The following DYNC1H1 variants were observed in gnomAD, a reference collection of about 807,000 sequenced individuals.
DYNC1H1 encodes the protein dynein cytoplasmic 1 heavy chain 1.
In DYNC1H1, 51 loss-of-function variants were observed where a neutral mutation model predicts 527.1. That is an observed-to-expected ratio of 0.10 (90% CI 0.08 to 0.12). The LOEUF (loss-of-function observed/expected upper bound fraction) is 0.12, where lower values mean the gene tolerates loss of function less well. DYNC1H1 is among the 10% of genes least tolerant of loss of function. DYNC1H1 has a pLI of 1.00. For synonymous variants in DYNC1H1, 2,189 were observed against 2,278.8 expected, an observed-to-expected ratio of 0.96 and a Z score of 1.12; for missense variants, 2,771 against 5,971.8, an observed-to-expected ratio of 0.46 and a Z score of 17.66.
chr14:102,006,889 C>G (rs1595612361), intron 27 of DYNC1H1, 119 bp from the exon 28 acceptor site: 1 of 1,095,414 alleles, frequency 9.1e-7, no homozygotes, highest in East Asian at 2.6e-5. Flanking sequence ...CATGAGCCAC[C>G]CTACCTGGCC....
intron 7 of DYNC1H1, among the ~76,000 whole-genome samples, chr14:101,984,391 ATGCGTATATATGTGTGTG>A (rs1340303285): frequency 7.5e-6 from 1 of 132,962 alleles, no homozygotes; most frequent in African/African-American, 3.1e-5. Flanking sequence ...GTATATATAT[ATGCGTATATATGTGTGTG>A]TGTGTGTGTG....
In DYNC1H1 at chr14:102,056,078, A is replaced by T. The variant is rs566192296; in HGVS notation, c.*5515A>T. On this transcript the variant is annotated 3_prime_UTR_variant, in exon 78 of 78. Coordinates refer to ENST00000360184, the MANE Select transcript of DYNC1H1 (RefSeq NM_001376.5). ...TACTCAGTACCTGTTTTAAGAAAAAAACGAAGTGAAATCAAAGACAGGCAG... is the reference window on the plus strand; with the variant it reads ...TACTCAGTACCTGTTTTAAGAAAAATACGAAGTGAAATCAAAGACAGGCAG... The T allele has an allele frequency of 6.6e-6, 1 of 152,374 alleles. No homozygotes were observed. The highest frequency in any genetic ancestry group is 1.9e-4 in the East Asian group (1 of 5,192). The allele number at this position is 152,374 out of a possible 1,614,324, so 9.4% of individuals were successfully genotyped here.
At position 102,033,823 on chromosome 14, in the gene DYNC1H1, C is replaced by T. The variant is rs990254879; in HGVS notation, c.10414-153C>T. The T allele has an allele frequency of 8.7e-6, 7 of 804,184 alleles. No homozygotes were observed. In the Admixed American group the frequency reaches 1.0e-4, roughly 12 times the overall value. The allele number at this position is 804,184 out of a possible 1,614,324, so 49.8% of individuals were successfully genotyped here. A position where few individuals can be genotyped will look rare whatever the true frequency, so the allele number is the denominator to read the frequency against. ...TGTGTGGTCATTAGTTATATATGAT[C>T]TGGGTCTCATCTCCTCTGGGACTGT... On this transcript the variant is annotated intron_variant, in intron 54 of 77. Transcript: ENST00000360184. The surrounding 1 kb of genome is among the most constrained non-coding windows in gnomAD (Gnocchi z 5.6).
intron 10 of DYNC1H1, among the ~76,000 whole-genome samples, chr14:101,990,124 T>A (rs1433366930): frequency 2.0e-5 from 3 of 152,176 alleles, no homozygotes; most frequent in Non-Finnish European, 2.9e-5. Flanking sequence ...CTCACCGTGA[T>A]TCTCAGAACG....
chr14:102,040,417 G>A lies in DYNC1H1; in HGVS notation c.11865+7G>A, dbSNP rs2152595723. ...AAAGGTTCAGGCAGACGAGGTGATT[G>A]TTCTCTTGAATGTTCCCAGTAGGTA... On this transcript the variant is annotated splice_region_variant and intron_variant, in intron 63 of 77. Coordinates refer to ENST00000360184, the MANE Select transcript of DYNC1H1 (RefSeq NM_001376.5). The A allele has an allele frequency of 6.2e-7, 1 of 1,614,184 alleles. No homozygotes were observed. Among genetic ancestry groups the A allele is most frequent in the Non-Finnish European group, 8.5e-7 (1 of 1,180,022 alleles).
At position 102,041,510 on chromosome 14, in the gene DYNC1H1, G is replaced by A. The variant is rs1274092317; in HGVS notation, c.11942-64G>A. On this transcript the variant is annotated intron_variant, in intron 64 of 77. Coordinates refer to ENST00000360184, the MANE Select transcript of DYNC1H1 (RefSeq NM_001376.5). This position sits in a 1 kb window ranked among gnomAD's most constrained non-coding sequence, Gnocchi z 4.5. ...GGGTACTTTGGGAAGAACAGTCCAG[G>A]CAGGGGAGGGCGTCTCTGAGTCCAT... 7 of 1,610,590 alleles carry A rather than the reference G, an allele frequency of 4.3e-6. No individual in the cohort carries two copies. The African/African-American group carries it at 9.4e-5, about 22-fold the overall frequency.
chr14:101,987,387 G>T, intron 8 of DYNC1H1, 66 bp from the exon 9 acceptor site: 2 of 1,485,128 alleles, frequency 1.3e-6, no homozygotes, highest in Non-Finnish European at 1.9e-6. Context: ...TGAGAAGAAT[G>T]TTATGTGAGA....
rs773621054 is a variant in DYNC1H1 at position 102,050,922 on chromosome 14, G to A, written c.*359G>A. The A allele has an allele frequency of 2.2e-4, 79 of 359,936 alleles. 1 individual carries two copies. The highest frequency in any genetic ancestry group is 1.5e-3 in the Admixed American group (39 of 25,638). 22.3% of individuals were successfully genotyped at this position (359,936 alleles called of 1,614,324 possible). A position where few individuals can be genotyped will look rare whatever the true frequency, so the allele number is the denominator to read the frequency against. On this transcript the variant is annotated 3_prime_UTR_variant, in exon 78 of 78. Transcript: ENST00000360184. ...TCGCTTTCATCATGAGCTCGCTCCC[G>A]AGCGGCCACAGCACTCATGAATGAA...
intron 72 of DYNC1H1, 121 bp from the exon 73 acceptor site, chr14:102,047,696 C>T (rs2048745297): frequency 9.6e-7 from 1 of 1,037,554 alleles, no homozygotes. Context: ...CCAGATTTTG[C>T]TGCAGTTCCC....
In DYNC1H1 at chr14:102,001,395, G is replaced by A. The variant is rs527450164; in HGVS notation, c.4395+41G>A. On this transcript the variant is annotated intron_variant, in intron 20 of 77. Coordinates refer to ENST00000360184, the MANE Select transcript of DYNC1H1 (RefSeq NM_001376.5). This position sits in a 1 kb window ranked among gnomAD's most constrained non-coding sequence, Gnocchi z 5.0. The stretch of plus-strand genomic sequence containing the variant: ...GAACGGCTGCTTTACGTTGTGTTTC[G>A]GGCTGTTACATAGATCTGAGCTATG... 566 of 1,601,320 alleles carry A rather than the reference G, an allele frequency of 3.5e-4. No individual in the cohort carries two copies. The highest frequency in any genetic ancestry group is 4.1e-4 in the Non-Finnish European group (481 of 1,179,218).
rs2048337694 is a variant in DYNC1H1, at chr14:102,017,555, T to C, written c.8177+51T>C. 6.3e-7 allele frequency: 1 copy of C among 1,599,674 alleles called. No homozygotes were observed. Among genetic ancestry groups the C allele is most frequent in the Non-Finnish European group, 8.6e-7 (1 of 1,168,908 alleles). On this transcript the variant is annotated intron_variant, in intron 40 of 77. Transcript: ENST00000360184. This position sits in a 1 kb window ranked among gnomAD's most constrained non-coding sequence, Gnocchi z 4.6. ...GCTTCACACACGCACAGCTCCAGGA[T>C]TGCTGTAAACACAGCGCCACAAAAA... is the stretch of plus-strand genomic sequence containing the variant.
At position 101,995,184 on chromosome 14, in the gene DYNC1H1, C is replaced by T. The variant is rs747570801; in HGVS notation, c.3448C>T (p.Arg1150Cys). ...ATACTCCCCTCTCTCTGAACAGTCC[C>T]GCCAAGAGTTGGAGCAGCACTCAGT... ...TEFHSQISKS[R>C]QELEQHSVDT... The change falls in exon 15 of 78, where the codon CGC (arginine) becomes TGC (cysteine). Residue 1150 changes from arginine (R) to cysteine (C), a missense_variant. Around this residue, in one of 32 missense-constraint regions of DYNC1H1, gnomAD observed 223 missense variants for 462.5 expected, o/e 0.48. Coordinates refer to ENST00000360184, the MANE Select transcript of DYNC1H1 (RefSeq NM_001376.5). The T allele has an allele frequency of 2.5e-6, 4 of 1,614,240 alleles. No homozygotes were observed. Among genetic ancestry groups the T allele is most frequent in the East Asian group, 2.2e-5 (1 of 44,892 alleles).
intron 29 of DYNC1H1, chr14:102,009,334 T>G: frequency 6.2e-6 from 1 of 161,024 alleles, no homozygotes; most frequent in Non-Finnish European, 1.4e-5. Flanking sequence ...ACAAAAGGAG[T>G]GTGGAGGAAA....
rs993868173 is a variant in DYNC1H1, at chr14:102,011,706, C to T, written c.6619-169C>T. ...GGTGGAGCTTGCGGTGAGCTGAGAT[C>T]GTGCCACTGCATTCCAGTCTGGGTG... On this transcript the variant is annotated intron_variant, in intron 32 of 77. Coordinates refer to ENST00000360184, the MANE Select transcript of DYNC1H1 (RefSeq NM_001376.5). This position sits in a 1 kb window ranked among gnomAD's most constrained non-coding sequence, Gnocchi z 5.3. 1.6e-5 allele frequency: 11 copies of T among 676,614 alleles called. No individual in the cohort carries two copies. The highest frequency in any genetic ancestry group is 1.1e-4 in the African/African-American group (6 of 55,830). 41.9% of individuals were successfully genotyped at this position (676,614 alleles called of 1,614,324 possible). A position where few individuals can be genotyped will look rare whatever the true frequency, so the allele number is the denominator to read the frequency against.
chr14:101,969,819 T>C (rs2047710709), intron 1 of DYNC1H1, among the ~76,000 whole-genome samples: 1 of 152,246 alleles, frequency 6.6e-6, no homozygotes, highest in South Asian at 2.1e-4. Flanking sequence ...AGTTATCACT[T>C]CTTTTTAAAA....
At position 102,015,770 on chromosome 14, in the gene DYNC1H1, T is replaced by G; in HGVS notation, c.7243-86T>G. 1 of 1,445,366 alleles carries G rather than the reference T, an allele frequency of 6.9e-7. No homozygotes were observed. Among genetic ancestry groups the G allele is most frequent in the Non-Finnish European group, 9.5e-7 (1 of 1,047,482 alleles). The allele number at this position is 1,445,366 out of a possible 1,614,324, so 89.5% of individuals were successfully genotyped here. On this transcript the variant is annotated intron_variant, in intron 35 of 77. Coordinates refer to ENST00000360184, the MANE Select transcript of DYNC1H1 (RefSeq NM_001376.5). This position sits in a 1 kb window ranked among gnomAD's most constrained non-coding sequence, Gnocchi z 6.9. The stretch of plus-strand genomic sequence containing the variant: ...CCAAAATGAGTTTTCCAAGGTCGTA[T>G]GACCTTCTCCTGGGACCAGGTTAGA...
chr14:102,027,323 C>G lies in DYNC1H1; in HGVS notation c.8886+35C>G. 1.2e-6 allele frequency: 2 copies of G among 1,614,054 alleles called. No individual in the cohort carries two copies. Among genetic ancestry groups the G allele is most frequent in the Admixed American group, 3.3e-5 (2 of 59,986 alleles). ...GTCGGTGGCCTCTTAATCCCAGCAA[C>G]AGATGTGTGTGCAGAGCTCAGTGAG... On this transcript the variant is annotated intron_variant, in intron 45 of 77. Coordinates refer to ENST00000360184, the MANE Select transcript of DYNC1H1 (RefSeq NM_001376.5). This position sits in a 1 kb window ranked among gnomAD's most constrained non-coding sequence, Gnocchi z 7.7.
intron 9 of DYNC1H1, 77 bp downstream of exon 9, chr14:101,987,709 A>T (rs1230509635): frequency 2.6e-6 from 4 of 1,537,048 alleles, no homozygotes; most frequent in Non-Finnish European, 3.6e-6. Context: ...GTTTGTCACT[A>T]AAAAGCATTT....
rs2253998 is a variant in DYNC1H1 at position 102,030,015 on chromosome 14, C to A, written c.9762+77C>A. The A allele has an allele frequency of 0.22, 358,779 of 1,610,468 alleles. 49,006 individuals are homozygous for A. The highest frequency in any genetic ancestry group is 0.67 in the African/African-American group (50,263 of 74,752). ...AATGAGAGAGTAGGAAATGTAGTTC[C>A]AAATGGGTCTTAGGGTTAGAGAGAG... On this transcript the variant is annotated intron_variant, in intron 50 of 77. Coordinates refer to ENST00000360184, the MANE Select transcript of DYNC1H1 (RefSeq NM_001376.5).
Sources: allele counts gnomAD v4.1 joint callset (sites outside exome capture counted in the v4.1 genomes callset), GRCh38; gene constraint gnomAD v4.1.1; regional missense constraint gnomAD v4.1.1; non-coding constraint Gnocchi (gnomAD v3.1); transcripts MANE v1.5; gene names NCBI Gene and HGNC (gene_info 2026-07-23, HGNC 2026-07-21).